ZZEF1: variants seen among roughly 807,000 people sequenced by gnomAD.
The protein encoded by ZZEF1 is zinc finger ZZ-type and EF-hand domain-containing protein 1.
ZZEF1 carries 157 observed loss-of-function variants against 342.8 expected under a neutral mutation model. The ratio of observed to expected loss-of-function variants is 0.46; its 90% CI spans 0.40 to 0.52. ZZEF1 has a LOEUF of 0.52. ZZEF1 is among the 20% of genes least tolerant of loss of function. The probability of loss-of-function intolerance (pLI) is 0.00; values close to 1 mark genes in which losing one functional copy is unlikely to be tolerated. For missense variants in ZZEF1, 3,480 were observed against 3,725.6 expected, an observed-to-expected ratio of 0.93 and a Z score of 1.72; for synonymous variants, 1,505 against 1,429.1, an observed-to-expected ratio of 1.05 and a Z score of -1.20.
intron 5 of ZZEF1, among the ~76,000 whole-genome samples, chr17:4,111,468 T>C (rs987265080): frequency 2.7e-4 from 41 of 151,858 alleles, no homozygotes; most frequent in Non-Finnish European, 4.4e-5. Flanking sequence ...GACCAGTCTG[T>C]CCAACATAGT....
At position 4,124,023 on chromosome 17, in the gene ZZEF1, T is replaced by C. The variant is rs2058533923; in HGVS notation, c.383A>G (p.Asp128Gly). 6.2e-7 allele frequency: 1 copy of C among 1,613,566 alleles called. No individual in the cohort carries two copies. The highest frequency in any genetic ancestry group is 8.5e-7 in the Non-Finnish European group (1 of 1,179,854). Residue 128 changes from aspartate to glycine, a missense_variant, in exon 2 of 55, where the codon GAT becomes GGT. Asp to Gly is a moderately conservative substitution (Grantham distance 94). Transcript: ENST00000381638. ...EAFAQFDAEG[D>G]GTVDAENMLE... ...CATGTTCTCGGCATCAACTGTCCCA[T>C]CACCCTCAGCATCAAACTGGGCAAA...
At chr17:4,055,774 A>G (rs2057144544) in intron 33 of ZZEF1, among the ~76,000 whole-genome samples, 1 of 152,214 alleles carries the variant, frequency 6.6e-6, no homozygotes, top group Non-Finnish European at 1.5e-5. Flanking sequence ...CCCTCAGGTT[A>G]AAGGTTAAAC....
At chr17:4,074,415 T>A in intron 23 of ZZEF1, 64 bp from the exon 24 acceptor site, 1 of 1,514,244 alleles carries the variant, frequency 6.6e-7, no homozygotes, top group Non-Finnish European at 9.2e-7. Flanking sequence ...GAAATCAGCA[T>A]GCTCTTCATG....
chr17:4,064,867 A>AAT, intron 28 of ZZEF1, 38 bp from the exon 29 acceptor site: 1 of 1,399,318 alleles, frequency 7.1e-7, no homozygotes, highest in South Asian at 1.3e-5. Context: ...AAAAAAAAAA[A>AAT]GTTAAAATTA....
rs2056118025 is a variant in ZZEF1, at chr17:4,016,923, A to T, written c.8001+448T>A. ...GCTCCCTCTGTCCCTTCCGAAAGATAGATATGCTAGAGCAAGCCTGCCAGC... is the reference window on the plus strand; with the variant it reads ...GCTCCCTCTGTCCCTTCCGAAAGATTGATATGCTAGAGCAAGCCTGCCAGC... On this transcript the variant is annotated intron_variant, in intron 48 of 54. Coordinates refer to ENST00000381638, the MANE Select transcript of ZZEF1 (RefSeq NM_015113.4). The surrounding 1 kb of genome is among the most constrained non-coding windows in gnomAD (Gnocchi z 4.4). The T allele has an allele frequency of 5.2e-6, 1 of 193,232 alleles. No homozygotes were observed. Among genetic ancestry groups the T allele is most frequent in the Admixed American group, 5.3e-5 (1 of 18,930 alleles). 12.0% of individuals were successfully genotyped at this position (193,232 alleles called of 1,614,324 possible). A position where few individuals can be genotyped will look rare whatever the true frequency, so the allele number is the denominator to read the frequency against.
At chr17:4,100,644 G>A (rs1403166267) in intron 9 of ZZEF1, among the ~76,000 whole-genome samples, 1 of 152,110 alleles carries the variant, frequency 6.6e-6, no homozygotes, top group Non-Finnish European at 1.5e-5. Context: ...GACCATCCTG[G>A]CTAACGTGGT....
chr17:4,139,705 CG>C (rs1191640336), intron 1 of ZZEF1, among the ~76,000 whole-genome samples: 1 of 152,226 alleles, frequency 6.6e-6, no homozygotes, highest in Non-Finnish European at 1.5e-5. Flanking sequence ...TCATGAGAGA[CG>C]GTGGCCACTG....
intron 38 of ZZEF1, among the ~76,000 whole-genome samples, chr17:4,043,844 C>T (rs983393112): frequency 6.6e-6 from 1 of 152,228 alleles, no homozygotes; most frequent in African/African-American, 2.4e-5. Context: ...TCACTGTCAA[C>T]ACCCACTTAC....
chr17:4,043,512 AGGAGGAGGCTG>A (rs1324004226), intron 38 of ZZEF1, among the ~76,000 whole-genome samples: 3 of 152,226 alleles, frequency 2.0e-5, no homozygotes, highest in African/African-American at 7.2e-5. Flanking sequence ...GGCCACCATA[AGGAGGAGGCTG>A]GGACTTGCCT....
rs925748980 is a variant in ZZEF1 at position 4,034,292 on chromosome 17, C to T, written c.6307G>A (p.Gly2103Ser). 1.2e-6 allele frequency: 2 copies of T among 1,613,628 alleles called. No individual in the cohort carries two copies. Among genetic ancestry groups the T allele is most frequent in the Non-Finnish European group, 1.7e-6 (2 of 1,179,772 alleles). Residue 2103 changes from glycine (G) to serine (S), a missense_variant and splice_region_variant, in exon 40 of 55, where the codon GGC becomes AGC. Around this residue, in one of 5 missense-constraint regions of ZZEF1, gnomAD observed 1,269 missense variants for 1,342.4 expected, o/e 0.95. Transcript: ENST00000381638. ...AGGTCTATCAGGGGAACCGTGGGGCCCTGCCAAGAGAGGGAGAGAAATCTG... is the reference window on the plus strand; with the variant it reads ...AGGTCTATCAGGGGAACCGTGGGGCTCTGCCAAGAGAGGGAGAGAAATCTG... ...LAAMLPPLKSGPTVPLIDLEH... is the reference protein window; with the variant it reads ...LAAMLPPLKSSPTVPLIDLEH...
intron 32 of ZZEF1, chr17:4,056,969 C>A (rs772273044): frequency 5.9e-5 from 9 of 152,152 alleles, no homozygotes; most frequent in Admixed American, 5.9e-4. Context: ...GTTTACAGCT[C>A]GTTTTAACAA....
chr17:4,052,777 A>T (rs1365342662), intron 34 of ZZEF1, among the ~76,000 whole-genome samples: 1 of 152,024 alleles, frequency 6.6e-6, no homozygotes, highest in African/African-American at 2.4e-5. Context: ...TGAAGCAGGA[A>T]AATCACTTTA....
At chr17:4,052,874 CG>C (rs566970525) in intron 34 of ZZEF1, among the ~76,000 whole-genome samples, 1 of 101,176 alleles carries the variant, frequency 9.9e-6, no homozygotes, top group African/African-American at 4.5e-5. Context: ...CTCGGGAGGG[CG>C]GCGGGGGAGA....
intron 19 of ZZEF1, 120 bp from the exon 20 acceptor site, chr17:4,077,109 C>T: frequency 1.0e-6 from 1 of 975,560 alleles, no homozygotes; most frequent in South Asian, 2.9e-5. Context: ...ACAGCGAAGA[C>T]CACAAGGCCA....
At position 4,008,310 on chromosome 17, in the gene ZZEF1, T is replaced by TAG. The variant is rs1555573715; in HGVS notation, c.8805+571_8805+572dup. 6.1e-6 allele frequency: 1 copy of TAG among 164,394 alleles called. No individual in the cohort carries two copies. Among genetic ancestry groups the TAG allele is most frequent in the Non-Finnish European group, 1.3e-5 (1 of 79,192 alleles). 10.2% of individuals were successfully genotyped at this position (164,394 alleles called of 1,614,324 possible). ...CAGTAATTACTTTGTTTTGAAAAGTTAGAGTCGTTTTTCACAAGACGTGTT... is the reference window on the plus strand; with the variant it reads ...CAGTAATTACTTTGTTTTGAAAAGTTAGAGAGTCGTTTTTCACAAGACGTGTT... On this transcript the variant is annotated intron_variant, in intron 54 of 54. Transcript: ENST00000381638. This position sits in a 1 kb window ranked among gnomAD's most constrained non-coding sequence, Gnocchi z 4.2.
At position 4,049,683 on chromosome 17, in the gene ZZEF1, T is replaced by C. The variant is rs376558559; in HGVS notation, c.6015+25A>G. Reference sequence around the variant, plus strand: ...CTCTCTAGAGTTCAACCTGTGATTCTGTGTAGTAAAGAATCGTCATTTACA... The same window carrying C: ...CTCTCTAGAGTTCAACCTGTGATTCCGTGTAGTAAAGAATCGTCATTTACA... On this transcript the variant is annotated intron_variant, in intron 37 of 54. Coordinates refer to ENST00000381638, the MANE Select transcript of ZZEF1 (RefSeq NM_015113.4). 6 of 1,613,638 alleles carry C rather than the reference T, an allele frequency of 3.7e-6. No homozygotes were observed. In the African/African-American group the frequency reaches 5.3e-5, roughly 14 times the overall value.
chr17:4,085,576 T>C (rs2057803229), intron 16 of ZZEF1, 94 bp downstream of exon 16: 20 of 1,499,810 alleles, frequency 1.3e-5, no homozygotes, highest in African/African-American at 5.5e-5. Context: ...ATCTGGGACG[T>C]TGCAACAGAC....
intron 11 of ZZEF1, 116 bp downstream of exon 11, chr17:4,095,715 C>CT: frequency 8.6e-7 from 1 of 1,160,638 alleles, no homozygotes; most frequent in South Asian, 2.0e-5. Flanking sequence ...TTAGTGGCGC[C>CT]TTTTCTATAA....
intron 16 of ZZEF1, among the ~76,000 whole-genome samples, chr17:4,084,955 T>C (rs1188254645): frequency 4.6e-5 from 7 of 151,954 alleles, no homozygotes; most frequent in African/African-American, 1.7e-4. Context: ...CTACAAAAAA[T>C]ACAAAAATTA....
Sources: gnomAD v4.1 joint callset for allele counts (sites outside exome capture counted in the v4.1 genomes callset) on GRCh38, gnomAD v4.1.1 for gene constraint, gnomAD v4.1.1 regional missense constraint, Gnocchi (gnomAD v3.1) non-coding constraint, MANE v1.5 for transcripts, NCBI Gene and HGNC (gene_info 2026-07-23, HGNC 2026-07-21) for gene names.